Variants in AEBP2 observed in about 807,000 individuals in gnomAD.
The protein encoded by AEBP2 is AE binding protein 2.
In AEBP2, 10 loss-of-function variants were observed where a neutral mutation model predicts 50.8. The observed-to-expected ratio is 0.20, with a 90% CI of 0.12 to 0.33. AEBP2 has a LOEUF of 0.33. Among genes scored for constraint, AEBP2 ranks in the 10% least tolerant of loss-of-function variants. AEBP2 has a pLI of 1.00. For synonymous variants in AEBP2, 296 were observed against 261.3 expected (o/e 1.13, Z -1.28); for missense variants, 570 against 688.0 (o/e 0.83, Z 1.92).
Position 19,468,260 on chromosome 12 carries a change from T to G in AEBP2, c.880-4988T>G, listed in dbSNP as rs140721110. 5.2e-3 allele frequency among the ~76,000 whole-genome samples: 795 copies of G among 152,104 alleles called. 6 individuals carry two copies. Among genetic ancestry groups the G allele is most frequent in the African/African-American group, 0.018 (759 of 41,470 alleles). Reference sequence around the variant, plus strand: ...GTGCTCCCATCTCAGCTTCTTGAGTTCCTGGGATTCCAGGCATATATCACC... The same window carrying G: ...GTGCTCCCATCTCAGCTTCTTGAGTGCCTGGGATTCCAGGCATATATCACC... On this transcript the variant is annotated intron_variant, in intron 2 of 7. Transcript: ENST00000266508.
rs1947905980 is a variant in AEBP2 at position 19,439,680 on chromosome 12, GA to G, written c.-19del. 6.6e-7 allele frequency: 1 copy of G among 1,517,432 alleles called. No individual in the cohort carries two copies. The highest frequency in any genetic ancestry group is 8.8e-7 in the Non-Finnish European group (1 of 1,139,068). 94.0% of individuals were successfully genotyped at this position (1,517,432 alleles called of 1,614,324 possible). On this transcript the variant is annotated 5_prime_UTR_variant, in exon 1 of 8. Transcript: ENST00000266508. ...AGGCGGCGGTGGGGAGGAGGAGGAG[GA>G]GGAGGAGCAGGCGCCGCCATGGCCG...
intron 3 of AEBP2, among the ~76,000 whole-genome samples, chr12:19,474,585 A>G (rs538065806): frequency 2.0e-5 from 3 of 151,922 alleles, no homozygotes; most frequent in African/African-American, 7.2e-5. Context: ...ATGTAGTCTC[A>G]TTCTCCTTTC....
intron 3 of AEBP2, among the ~76,000 whole-genome samples, chr12:19,474,126 A>G (rs1948613830): frequency 6.6e-6 from 1 of 152,196 alleles, no homozygotes; most frequent in African/African-American, 2.4e-5. Flanking sequence ...AGTTGTAATT[A>G]GTTGTAAATC....
chr12:19,454,359 CCA>C lies in AEBP2; in HGVS notation c.672-8139_672-8138del, dbSNP rs149307993. Among the ~76,000 whole-genome samples, 37 of 152,020 alleles carry C rather than the reference CCA, an allele frequency of 2.4e-4. No individual in the cohort carries two copies. The East Asian group carries it at 7.0e-3, about 29-fold the overall frequency. ...GTTTTATGTCAACTTTTAATTGTTACCACACACACACACTTGGCTAGACCCTT... is the reference window on the plus strand; with the variant it reads ...GTTTTATGTCAACTTTTAATTGTTACCACACACACACTTGGCTAGACCCTT... On this transcript the variant is annotated intron_variant, in intron 1 of 7. Transcript: ENST00000266508.
chr12:19,499,989 G>A (rs1038980278), intron 4 of AEBP2, 108 bp from the exon 5 acceptor site: 1 of 1,061,502 alleles, frequency 9.4e-7, no homozygotes. Context: ...TAATAATCTT[G>A]AATTTAAATA....
At chr12:19,496,906 T>A (rs1386530021) in intron 4 of AEBP2, among the ~76,000 whole-genome samples, 2 of 151,794 alleles carry the variant, frequency 1.3e-5, no homozygotes, top group Non-Finnish European at 2.9e-5. Flanking sequence ...GCTCAAATGG[T>A]CCACCCATCT....
chr12:19,458,241 G>A (rs1055910484), intron 1 of AEBP2, among the ~76,000 whole-genome samples: 1 of 152,140 alleles, frequency 6.6e-6, no homozygotes, highest in Non-Finnish European at 1.5e-5. Context: ...TTCATCAGTC[G>A]AGAGAATGGA....
At chr12:19,415,435 C>T (rs1035853714) in intron 1 of AEBP2, among the ~76,000 whole-genome samples, 1 of 143,066 alleles carries the variant, frequency 7.0e-6, no homozygotes, top group African/African-American at 2.6e-5. Context: ...TCAGAGGCCA[C>T]TTTTGCAAAT....
chr12:19,409,119 G>T (rs1020688349), intron 1 of AEBP2, among the ~76,000 whole-genome samples: 5 of 152,036 alleles, frequency 3.3e-5, no homozygotes, highest in African/African-American at 1.2e-4. Context: ...GACTACAAAA[G>T]CTTGCAGCCT....
At chr12:19,458,059 A>G (rs1482406503) in intron 1 of AEBP2, among the ~76,000 whole-genome samples, 5 of 152,212 alleles carry the variant, frequency 3.3e-5, no homozygotes, top group African/African-American at 4.8e-5. Context: ...TAACATATGT[A>G]TGGTCCTAGA....
intron 1 of AEBP2, among the ~76,000 whole-genome samples, chr12:19,458,507 T>C (rs9669654): frequency 0.85 from 129,348 of 152,226 alleles, 55,252 homozygotes; most frequent in African/African-American, 0.93. Flanking sequence ...TTACATTATG[T>C]TGTCTTTATG....
chr12:19,419,476 C>A (rs1470345870), intron 1 of AEBP2, among the ~76,000 whole-genome samples: 2 of 152,044 alleles, frequency 1.3e-5, no homozygotes, highest in Non-Finnish European at 1.5e-5. Flanking sequence ...ATAGTCCTAG[C>A]TACTCAGGAG....
chr12:19,482,832 C>T (rs573302181), intron 3 of AEBP2, among the ~76,000 whole-genome samples: 3 of 152,178 alleles, frequency 2.0e-5, no homozygotes, highest in South Asian at 4.2e-4. Context: ...ATTTTGGCTG[C>T]CTCTGCTGTG....
intron 1 of AEBP2, among the ~76,000 whole-genome samples, chr12:19,420,420 A>G (rs1333168370): frequency 3.2e-5 from 4 of 126,396 alleles, no homozygotes; most frequent in Non-Finnish European, 4.7e-5. Context: ...TACAGTCTCT[A>G]CCTCCCGGGT....
chr12:19,466,181 A>G (rs543269587), intron 2 of AEBP2, among the ~76,000 whole-genome samples: 1 of 152,270 alleles, frequency 6.6e-6, no homozygotes, highest in East Asian at 1.9e-4. Context: ...CTTTAAAAAA[A>G]CAAAAACATT....
At chr12:19,495,990 T>C (rs1488528761) in intron 4 of AEBP2, among the ~76,000 whole-genome samples, 3 of 152,202 alleles carry the variant, frequency 2.0e-5, no homozygotes, top group Non-Finnish European at 4.4e-5. Context: ...TAGCTTGCAG[T>C]TGCACACAGA....
intron 1 of AEBP2, among the ~76,000 whole-genome samples, chr12:19,414,180 T>C (rs145018067): frequency 0.022 from 3,413 of 152,146 alleles, 47 homozygotes; most frequent in East Asian, 0.045. Flanking sequence ...GTGTGAGCCA[T>C]TGCGCCCGGC....
At chr12:19,414,918 A>G (rs1199815103) in intron 1 of AEBP2, among the ~76,000 whole-genome samples, 17 of 147,702 alleles carry the variant, frequency 1.2e-4, no homozygotes, top group Admixed American at 1.1e-3. Flanking sequence ...ATAAGATTCT[A>G]TCTCCAAAAA....
At chr12:19,497,614 C>G (rs925173349) in intron 4 of AEBP2, among the ~76,000 whole-genome samples, 3 of 151,804 alleles carry the variant, frequency 2.0e-5, no homozygotes, top group Non-Finnish European at 4.4e-5. Context: ...CTGGGACTAC[C>G]GGCACACACT....
Sources: gnomAD v4.1 joint callset for allele counts (sites outside exome capture counted in the v4.1 genomes callset) on GRCh38, gnomAD v4.1.1 for gene constraint, MANE v1.5 for transcripts, NCBI Gene and HGNC (gene_info 2026-07-23, HGNC 2026-07-21) for gene names.